The following EPS15 variants were observed in gnomAD, a reference collection of about 807,000 sequenced individuals.
EPS15 encodes the protein epidermal growth factor receptor substrate 15.
Under a neutral mutation model 113.8 loss-of-function variants are expected in EPS15, and 72 were observed. That is an observed-to-expected ratio of 0.63 (90% CI 0.52 to 0.77). The LOEUF (loss-of-function observed/expected upper bound fraction) is 0.77. EPS15 is among the 30% of genes least tolerant of loss of function. The probability of loss-of-function intolerance (pLI) is 0.00; values close to 1 mark genes in which losing one functional copy is unlikely to be tolerated. For synonymous variants in EPS15, 344 were observed against 363.4 expected (o/e 0.95, Z 0.61); for missense variants, 1,048 against 1,045.8 (o/e 1.00, Z -0.03).
chr1:51,423,165 CTG>C, intron 12 of EPS15: 1 of 1,275,912 alleles, frequency 7.8e-7, no homozygotes. Flanking sequence ...TATTTGTACA[CTG>C]TTACTTTTAA....
intron 11 of EPS15, among the ~76,000 whole-genome samples, 170 bp downstream of exon 11, chr1:51,444,719 C>T (rs1277022128): frequency 6.6e-6 from 1 of 152,168 alleles, no homozygotes; most frequent in Non-Finnish European, 1.5e-5. Flanking sequence ...GGATGTTATA[C>T]AAGGCACTCC....
At chr1:51,420,340 C>G (rs889414354) in intron 13 of EPS15, among the ~76,000 whole-genome samples, 2 of 152,062 alleles carry the variant, frequency 1.3e-5, no homozygotes, top group African/African-American at 4.8e-5. Flanking sequence ...AAATTCACAT[C>G]CTCAAAAAAT....
At chr1:51,401,867 G>A (rs531924449) in intron 18 of EPS15, among the ~76,000 whole-genome samples, 3 of 152,230 alleles carry the variant, frequency 2.0e-5, no homozygotes, top group South Asian at 2.1e-4. Context: ...GGCCAGACGC[G>A]GTGGCTCACG....
At position 51,418,669 on chromosome 1, in the gene EPS15, G is replaced by C. The variant is rs72910252; in HGVS notation, c.1113+3117C>G. ...TTAAAGGTGAAGAGAAGATAATAAAGAGATGATTGTAGGGTGCGGAATAAT... is the reference window on the plus strand; with the variant it reads ...TTAAAGGTGAAGAGAAGATAATAAACAGATGATTGTAGGGTGCGGAATAAT... On this transcript the variant is annotated intron_variant, in intron 13 of 24. Transcript: ENST00000371733. Among the ~76,000 whole-genome samples, 1,141 of 152,216 alleles carry C rather than the reference G, an allele frequency of 7.5e-3. 14 individuals are homozygous for C. The highest frequency in any genetic ancestry group is 0.026 in the African/African-American group (1,097 of 41,542).
chr1:51,449,509 C>G (rs1043860374), intron 8 of EPS15, among the ~76,000 whole-genome samples: 2 of 149,224 alleles, frequency 1.3e-5, no homozygotes, highest in Admixed American at 6.6e-5. Context: ...AATCTGCACA[C>G]CAAACCCCGT....
At chr1:51,444,856 A>G (rs757059059) in intron 11 of EPS15, 33 bp downstream of exon 11, 1 of 1,586,576 alleles carries the variant, frequency 6.3e-7, no homozygotes. Context: ...CTTTGAAATT[A>G]ATACATTCAG....
chr1:51,508,286 GAGAA>G (rs1287713829), intron 1 of EPS15, among the ~76,000 whole-genome samples: 16 of 141,632 alleles, frequency 1.1e-4, no homozygotes, highest in South Asian at 8.8e-4. Context: ...GAGAGAAAGA[GAGAA>G]AGAGAGAGAG....
At chr1:51,474,799 T>A (rs1655495903) in intron 2 of EPS15, among the ~76,000 whole-genome samples, 1 of 151,852 alleles carries the variant, frequency 6.6e-6, no homozygotes, top group Non-Finnish European at 1.5e-5. Flanking sequence ...GTCATTTACA[T>A]TAGGTATATC....
chr1:51,446,996 T>C lies in EPS15; in HGVS notation c.761A>G (p.Lys254Arg), dbSNP rs368586220. 6.2e-7 allele frequency: 1 copy of C among 1,613,352 alleles called. No homozygotes were observed. Among genetic ancestry groups the C allele is most frequent in the African/African-American group, 1.3e-5 (1 of 74,906 alleles). ...TAGTAAGGTAGAAGGTAAACCTGTT[T>C]TCAAGAATATTTCACGGACCTCCAA... ...SGLEVREIFL[K>R]TGLPSTLLAH... Residue 254 changes from lysine to arginine, a missense_variant, in exon 10 of 25, where the codon AAA becomes AGA. Transcript: ENST00000371733.
chr1:51,429,359 AT>A (rs1278606381), intron 12 of EPS15, among the ~76,000 whole-genome samples: 180 of 152,176 alleles, frequency 1.2e-3, no homozygotes, highest in African/African-American at 4.1e-3. Context: ...AAAAAAAAAA[AT>A]TACCACTTTA....
intron 8 of EPS15, chr1:51,458,435 C>G (rs1177642823): frequency 5.9e-6 from 2 of 339,754 alleles, no homozygotes; most frequent in South Asian, 2.1e-5. Context: ...CCCATCTACT[C>G]TAACTATATT....
chr1:51,404,841 T>C (rs768943521), intron 16 of EPS15, among the ~76,000 whole-genome samples: 12 of 152,182 alleles, frequency 7.9e-5, no homozygotes, highest in African/African-American at 1.7e-4. Context: ...TTCAGCAAGT[T>C]TGGGGAAAGG....
chr1:51,488,566 T>C (rs1644170486), intron 1 of EPS15, among the ~76,000 whole-genome samples: 1 of 152,066 alleles, frequency 6.6e-6, no homozygotes, highest in African/African-American at 2.4e-5. Flanking sequence ...TTTAGTAGCT[T>C]ATTTTACCTC....
intron 3 of EPS15, among the ~76,000 whole-genome samples, chr1:51,472,600 C>G (rs1655321036): frequency 6.6e-6 from 1 of 152,098 alleles, no homozygotes; most frequent in East Asian, 1.9e-4. Context: ...ACTGTTTCTC[C>G]CCACCAAATG....
chr1:51,459,263 G>A (rs997135891), intron 8 of EPS15: 2 of 152,260 alleles, frequency 1.3e-5, no homozygotes, highest in East Asian at 3.8e-4. Flanking sequence ...TTGGGAGGCT[G>A]AGGCGGGAGG....
chr1:51,373,164 A>G (rs1411727486), intron 21 of EPS15: 3 of 160,780 alleles, frequency 1.9e-5, no homozygotes, highest in Non-Finnish European at 2.8e-5. Context: ...AAGATGACAA[A>G]GAGTAAGATA....
intron 1 of EPS15, among the ~76,000 whole-genome samples, chr1:51,518,085 C>A (rs1246750616): frequency 6.6e-6 from 1 of 152,086 alleles, no homozygotes; most frequent in African/African-American, 2.4e-5. Context: ...TCGGGAAGCA[C>A]GCGCCACCAG....
At chr1:51,456,110 C>T (rs1653977781) in intron 8 of EPS15, among the ~76,000 whole-genome samples, 1 of 152,104 alleles carries the variant, frequency 6.6e-6, no homozygotes. Flanking sequence ...GAATCTTTAA[C>T]TTCATTTATT....
At chr1:51,518,940 A>G (rs1644785428) in intron 1 of EPS15, among the ~76,000 whole-genome samples, 1 of 151,162 alleles carries the variant, frequency 6.6e-6, no homozygotes, top group Admixed American at 6.6e-5. Context: ...AGCGGCGCGG[A>G]GGGCGGCGAG....
Sources: allele counts gnomAD v4.1 joint callset (sites outside exome capture counted in the v4.1 genomes callset), GRCh38; gene constraint gnomAD v4.1.1; transcripts MANE v1.5; gene names NCBI Gene and HGNC (gene_info 2026-07-23, HGNC 2026-07-21).